DNAH1: variants seen among roughly 807,000 people sequenced by gnomAD.
DNAH1 encodes axonemal beta dynein heavy chain 1.
In DNAH1, 327 loss-of-function variants were observed where a neutral mutation model predicts 484.3. The observed-to-expected ratio is 0.68, with a 90% CI of 0.62 to 0.74. The LOEUF is 0.74. Ranked by LOEUF, DNAH1 falls within the 30% of genes least tolerant of loss-of-function variation. The pLI, the probability that DNAH1 is intolerant of heterozygous loss-of-function variation, is 0.00. For synonymous variants in DNAH1, 2,192 were observed against 2,191.9 expected, an observed-to-expected ratio of 1.00 and a Z score of 0.00; for missense variants, 5,052 against 5,546.8, an observed-to-expected ratio of 0.91 and a Z score of 2.83.
Position 52,391,430 on chromosome 3 carries a change from C to A in DNAH1, c.9892-13C>A. The A allele has an allele frequency of 6.2e-7, 1 of 1,605,596 alleles. No homozygotes were observed. Among genetic ancestry groups the A allele is most frequent in the East Asian group, 2.3e-5 (1 of 44,344 alleles). ...GCTCAGGCCACAGTACCCACCGGTC[C>A]CACCCACCACAGACGTACAAGCAGC... On this transcript the variant is annotated splice_polypyrimidine_tract_variant and intron_variant, in intron 62 of 77. Transcript: ENST00000420323.
chr3:52,381,559 G>A lies in DNAH1; in HGVS notation c.7609-81G>A. The A allele has an allele frequency of 7.3e-7, 1 of 1,361,792 alleles. No homozygotes were observed. The highest frequency in any genetic ancestry group is 1.0e-6 in the Non-Finnish European group (1 of 1,000,756). 84.4% of individuals were successfully genotyped at this position (1,361,792 alleles called of 1,614,324 possible). A position where few individuals can be genotyped will look rare whatever the true frequency, so the allele number is the denominator to read the frequency against. ...TGTGCTTCTCAGTCAGGACAGAGAA[G>A]AAAGCGGGTGGGTGGGGGGAATCGG... On this transcript the variant is annotated intron_variant, in intron 48 of 77. Transcript: ENST00000420323. This position sits in a 1 kb window ranked among gnomAD's most constrained non-coding sequence, Gnocchi z 4.1.
In DNAH1 at chr3:52,389,583, G is replaced by A; in HGVS notation, c.9618G>A (p.Trp3206Ter). 6.7e-7 allele frequency: 1 copy of A among 1,484,950 alleles called. No homozygotes were observed. The highest frequency in any genetic ancestry group is 9.0e-7 in the Non-Finnish European group (1 of 1,116,100). 92.0% of individuals were successfully genotyped at this position (1,484,950 alleles called of 1,614,324 possible). ...GGAACCCTGTGAAGATCCGATCGTGGCAGGTGCCCACCCCAGGGGCAGGAG... is the reference window on the plus strand; with the variant it reads ...GGAACCCTGTGAAGATCCGATCGTGACAGGTGCCCACCCCAGGGGCAGGAG... ...TLGNPVKIRS[W>*]QIAGLPNDTL... The change falls in exon 60 of 78, where the codon TGG becomes TGA. Residue 3206 changes from tryptophan (W) to a stop codon, truncating the protein, a stop_gained. Transcript: ENST00000420323. LOFTEE classifies it high-confidence loss of function.
chr3:52,386,441 C>T (rs1704114183), intron 55 of DNAH1, 96 bp downstream of exon 55: 7 of 1,432,714 alleles, frequency 4.9e-6, no homozygotes, highest in East Asian at 2.5e-5. Context: ...GCCTGCCCCA[C>T]CCTCCTCATT....
intron 8 of DNAH1, among the ~76,000 whole-genome samples, chr3:52,334,103 A>G (rs796271379): frequency 5.4e-4 from 83 of 152,340 alleles, no homozygotes; most frequent in African/African-American, 1.9e-3. Flanking sequence ...CATAGTGTGT[A>G]CTGACACAGA....
Position 52,397,763 on chromosome 3 carries a change from C to T in DNAH1, c.11844C>T (p.Gly3948=), listed in dbSNP as rs757434791. The stretch of plus-strand genomic sequence containing the variant: ...TCAATGATATGCCTGAGATCTTTGG[C>T]CTGCATGACAATGCCAACATCACCT... ...LPLNDMPEIF[G]LHDNANITFA... The change falls in exon 74 of 78, where the codon GGC becomes GGT. Residue 3948 remains glycine (G), a synonymous_variant. Coordinates refer to ENST00000420323, the MANE Select transcript of DNAH1 (RefSeq NM_015512.5). The T allele has an allele frequency of 6.2e-7, 1 of 1,613,760 alleles. No homozygotes were observed. Among genetic ancestry groups the T allele is most frequent in the Non-Finnish European group, 8.5e-7 (1 of 1,179,744 alleles).
chr3:52,385,007 GT>G, intron 53 of DNAH1, 30 bp downstream of exon 53: 2 of 1,594,474 alleles, frequency 1.3e-6, no homozygotes, highest in Non-Finnish European at 1.7e-6. Flanking sequence ...CGTGGACAAG[GT>G]CAGCTGCCTG....
chr3:52,347,215 C>T (rs1028710602), intron 11 of DNAH1, among the ~76,000 whole-genome samples: 2 of 152,056 alleles, frequency 1.3e-5, no homozygotes, highest in Admixed American at 6.6e-5. Context: ...AGTTATGAGG[C>T]GATGTGAGGT....
chr3:52,395,193 C>G lies in DNAH1; in HGVS notation c.10969-115C>G, dbSNP rs1027276893. On this transcript the variant is annotated intron_variant, in intron 68 of 77. Transcript: ENST00000420323. The surrounding 1 kb of genome is among the most constrained non-coding windows in gnomAD (Gnocchi z 4.4). ...CTTGCTCCCTAAAGGCTCTGAGGTTCCAGCCCCCACCAGGAAGCCCACTGG... is the reference window on the plus strand; with the variant it reads ...CTTGCTCCCTAAAGGCTCTGAGGTTGCAGCCCCCACCAGGAAGCCCACTGG... 2 of 1,487,504 alleles carry G rather than the reference C, an allele frequency of 1.3e-6. No individual in the cohort carries two copies. Among genetic ancestry groups the G allele is most frequent in the Non-Finnish European group, 1.8e-6 (2 of 1,108,038 alleles). The allele number at this position is 1,487,504 out of a possible 1,614,324, so 92.1% of individuals were successfully genotyped here. A position where few individuals can be genotyped will look rare whatever the true frequency, so the allele number is the denominator to read the frequency against.
chr3:52,393,766 G>C (rs1282886346), intron 66 of DNAH1, among the ~76,000 whole-genome samples: 3 of 152,218 alleles, frequency 2.0e-5, no homozygotes, highest in Admixed American at 6.5e-5. Flanking sequence ...GGGTGTGGTG[G>C]TGCACGCCTG....
In DNAH1 at chr3:52,398,078, C is replaced by G. The variant is rs778191005; in HGVS notation, c.12005C>G (p.Pro4002Arg). The G allele has an allele frequency of 3.1e-6, 5 of 1,613,844 alleles. No homozygotes were observed. The highest frequency in any genetic ancestry group is 1.7e-5 in the Admixed American group (1 of 59,992). ...TQNILLKVPE[P>R]INLQWVMAKY... ...AACATTCTGCTCAAGGTGCCTGAGC[C>G]TATCAACTTGCAATGGGTGATGGCC... The change falls in exon 75 of 78, where the codon CCT becomes CGT. Residue 4002 changes from proline (P) to arginine (R), a missense_variant. By Grantham distance (103) the Pro-to-Arg change is moderately radical. This residue lies in a region of DNAH1 where 853 missense variants were observed against 899.0 expected (regional missense o/e 0.95). Coordinates refer to ENST00000420323, the MANE Select transcript of DNAH1 (RefSeq NM_015512.5).
chr3:52,398,481 G>A (rs755203357), intron 75 of DNAH1, among the ~76,000 whole-genome samples: 2 of 152,132 alleles, frequency 1.3e-5, no homozygotes, highest in Middle Eastern at 3.2e-3. Context: ...ATAGAGACGG[G>A]GTTTCACCAT....
At chr3:52,344,749 C>T (rs528737924) in intron 9 of DNAH1, 102 bp downstream of exon 9, 3 of 1,295,446 alleles carry the variant, frequency 2.3e-6, no homozygotes, top group African/African-American at 1.5e-5. Flanking sequence ...TTGTGGGCGT[C>T]ATCAGCCCAA....
At chr3:52,371,226 G>A (rs1016018184) in intron 41 of DNAH1, among the ~76,000 whole-genome samples, 2 of 152,212 alleles carry the variant, frequency 1.3e-5, no homozygotes, top group African/African-American at 4.8e-5. Context: ...TGTCCTCATC[G>A]CTACTATCAG....
intron 75 of DNAH1, 145 bp downstream of exon 75, chr3:52,398,307 G>A: frequency 8.9e-7 from 1 of 1,120,662 alleles, no homozygotes; most frequent in Non-Finnish European, 1.2e-6. Flanking sequence ...TGTTGACACG[G>A]AGTCTCTCTC....
chr3:52,331,921 C>T (rs182401937), intron 7 of DNAH1, among the ~76,000 whole-genome samples: 141 of 152,254 alleles, frequency 9.3e-4, no homozygotes, highest in African/African-American at 3.1e-3. Context: ...CACCACGCCC[C>T]AGCCTTGTCT....
At chr3:52,369,548 G>T (rs768375122) in intron 37 of DNAH1, among the ~76,000 whole-genome samples, 1 of 152,156 alleles carries the variant, frequency 6.6e-6, no homozygotes, top group Non-Finnish European at 1.5e-5. Flanking sequence ...CATCAGATGT[G>T]CCCAGGCCTC....
intron 6 of DNAH1, among the ~76,000 whole-genome samples, chr3:52,330,008 C>T (rs1243721203): frequency 1.3e-5 from 2 of 152,154 alleles, no homozygotes; most frequent in Non-Finnish European, 2.9e-5. Context: ...CGGGATTTTA[C>T]CATGTTGCCC....
chr3:52,321,405 C>T (rs889723501), intron 1 of DNAH1, among the ~76,000 whole-genome samples: 3 of 152,186 alleles, frequency 2.0e-5, no homozygotes, highest in Admixed American at 6.5e-5. Context: ...AGTGAGCCAC[C>T]GCCCCGGCCT....
intron 50 of DNAH1, among the ~76,000 whole-genome samples, chr3:52,382,775 G>A (rs1169488090): frequency 1.3e-5 from 2 of 152,242 alleles, no homozygotes; most frequent in East Asian, 3.8e-4. Flanking sequence ...AAAGTGCTAG[G>A]GACCCATGGC....
Sources: allele counts gnomAD v4.1 joint callset (sites outside exome capture counted in the v4.1 genomes callset), GRCh38; gene constraint gnomAD v4.1.1; regional missense constraint gnomAD v4.1.1; non-coding constraint Gnocchi (gnomAD v3.1); transcripts MANE v1.5; gene names NCBI Gene and HGNC (gene_info 2026-07-23, HGNC 2026-07-21).